SMIM44: variants seen among roughly 807,000 people sequenced by gnomAD.
The protein encoded by SMIM44 is small integral membrane protein 44.
At chr19:3,482,634 C>T in the SMIM44 span, among the ~76,000 whole-genome samples, 1 of 152,232 alleles carries the variant, frequency 6.6e-6, no homozygotes, top group Admixed American at 6.5e-5. Flanking sequence ...CTGAGCCGGG[C>T]AGGCTCTGCG....
At chr19:3,482,712 G>T in the SMIM44 span, 1 of 396,634 alleles carries the variant, frequency 2.5e-6, no homozygotes, top group South Asian at 1.4e-4. Flanking sequence ...CGTCCGCTGC[G>T]ACCGGGCAGC....
At chr19:3,482,823 C>T in the SMIM44 span, 1 of 397,616 alleles carries the variant, frequency 2.5e-6, no homozygotes, top group South Asian at 1.3e-4. Context: ...CATCAGCTTC[C>T]AGAAGGAGCT....
chr19:3,482,841 G>A, the SMIM44 span: 1 of 398,120 alleles, frequency 2.5e-6, no homozygotes, highest in Non-Finnish European at 4.4e-6. Flanking sequence ...GCTTCGGGAT[G>A]GGGGGTCCTT....
the SMIM44 span, chr19:3,483,202 C>G: frequency 2.5e-6 from 1 of 398,398 alleles, no homozygotes; most frequent in Non-Finnish European, 4.4e-6. Flanking sequence ...GGCAGCTCAC[C>G]GGCCAGGTCG....
At chr19:3,483,172 C>T in the SMIM44 span, 1 of 398,456 alleles carries the variant, frequency 2.5e-6, no homozygotes, top group Non-Finnish European at 4.4e-6. Context: ...CAGCATCGGC[C>T]CCAGCTGGGT....
At chr19:3,482,984 G>A in the SMIM44 span, 2 of 398,394 alleles carry the variant, frequency 5.0e-6, no homozygotes, top group Non-Finnish European at 8.9e-6. Flanking sequence ...CCAAGTCCTC[G>A]CCGGTCAGGC....
At chr19:3,483,146 C>G in the SMIM44 span, 3 of 398,352 alleles carry the variant, frequency 7.5e-6, no homozygotes, top group East Asian at 1.1e-4. Context: ...CCCCTGACCA[C>G]CCACCCAGGG....
chr19:3,483,007 C>T, the SMIM44 span: 2 of 398,492 alleles, frequency 5.0e-6, no homozygotes, highest in Non-Finnish European at 4.4e-6. Flanking sequence ...GGGCGCAGCT[C>T]CCGGGGTGCG....
the SMIM44 span, among the ~76,000 whole-genome samples, chr19:3,482,524 G>A: frequency 6.6e-6 from 1 of 152,232 alleles, no homozygotes; most frequent in East Asian, 1.9e-4. Flanking sequence ...CACAGCAGCA[G>A]GTACACGCTA....
the SMIM44 span, among the ~76,000 whole-genome samples, chr19:3,482,226 G>A: frequency 6.6e-6 from 1 of 152,212 alleles, no homozygotes; most frequent in Non-Finnish European, 1.5e-5. Flanking sequence ...AGGAAGTCAG[G>A]ACCACCCCCC....
the SMIM44 span, chr19:3,483,329 C>T: frequency 2.5e-6 from 1 of 398,276 alleles, no homozygotes; most frequent in Non-Finnish European, 4.4e-6. Flanking sequence ...CCAGGGGCGG[C>T]GGCCGGTACT....
chr19:3,483,257 GGCC>G, the SMIM44 span: 1 of 398,490 alleles, frequency 2.5e-6, no homozygotes, highest in East Asian at 3.6e-5. Context: ...CGTAGGCGAC[GGCC>G]ACCACCACCA....
chr19:3,483,004 G>A, the SMIM44 span: 2 of 398,340 alleles, frequency 5.0e-6, no homozygotes, highest in Admixed American at 8.8e-5. Flanking sequence ...CTGGGGCGCA[G>A]CTCCCGGGGT....
At chr19:3,483,246 G>T in the SMIM44 span, 10 of 398,440 alleles carry the variant, frequency 2.5e-5, no homozygotes, top group Admixed American at 3.1e-4. Context: ...CCCGACGATG[G>T]CGTAGGCGAC....
At chr19:3,482,119 G>T in the SMIM44 span, among the ~76,000 whole-genome samples, 1 of 152,254 alleles carries the variant, frequency 6.6e-6, no homozygotes, top group Non-Finnish European at 1.5e-5. Flanking sequence ...GAACCAGCCA[G>T]GCAGGCATCT....
At chr19:3,482,683 C>A in the SMIM44 span, 1 of 396,180 alleles carries the variant, frequency 2.5e-6, no homozygotes, top group South Asian at 1.4e-4. Flanking sequence ...CGGAACCTGC[C>A]GGCTGGGAAG....
At chr19:3,483,279 A>C in the SMIM44 span, 1 of 398,330 alleles carries the variant, frequency 2.5e-6, no homozygotes, top group South Asian at 1.3e-4. Context: ...CAGCGCGGCC[A>C]GCAGCAGGTA....
the SMIM44 span, among the ~76,000 whole-genome samples, chr19:3,482,600 A>T: frequency 1.3e-5 from 2 of 152,208 alleles, no homozygotes; most frequent in African/African-American, 4.8e-5. Context: ...TCTAATTCAC[A>T]GTTTGCTGAC....
the SMIM44 span, chr19:3,483,350 C>T: frequency 1.8e-5 from 7 of 398,208 alleles, no homozygotes; most frequent in East Asian, 7.1e-5. Context: ...CCTCGTACAG[C>T]GGCGGGGACG....
Sources: allele counts gnomAD v4.1 joint callset (sites outside exome capture counted in the v4.1 genomes callset), GRCh38; gene constraint gnomAD v4.1.1; transcripts MANE v1.5; gene names NCBI Gene and HGNC (gene_info 2026-07-23, HGNC 2026-07-21).